The following MYO5B variants were observed in gnomAD, a reference collection of about 807,000 sequenced individuals.
The protein encoded by MYO5B is myosin VB, also known as unconventional myosin-Vb.
In MYO5B, 143 loss-of-function variants were observed where a neutral mutation model predicts 229.3. The ratio of observed to expected loss-of-function variants is 0.62; its 90% CI spans 0.54 to 0.72. The LOEUF is 0.72. Ranked by LOEUF, MYO5B falls within the 30% of genes least tolerant of loss-of-function variation. MYO5B has a pLI of 0.00. For missense variants in MYO5B, 2,321 were observed against 2,331.0 expected (o/e 1.00, Z 0.09); for synonymous variants, 918 against 885.2 (o/e 1.04, Z -0.66).
chr18:49,894,096 G>A (rs1409033561), intron 22 of MYO5B, among the ~76,000 whole-genome samples: 2 of 152,136 alleles, frequency 1.3e-5, no homozygotes, highest in African/African-American at 2.4e-5. Context: ...GGACTCCAAG[G>A]TCTACCGCAG....
At chr18:49,958,187 T>C (rs2025517389) in intron 12 of MYO5B, among the ~76,000 whole-genome samples, 1 of 152,196 alleles carries the variant, frequency 6.6e-6, no homozygotes, top group Non-Finnish European at 1.5e-5. Context: ...TATACTTTTA[T>C]ACAAGTACTG....
intron 6 of MYO5B, among the ~76,000 whole-genome samples, chr18:49,991,325 T>A (rs950184338): frequency 1.3e-5 from 2 of 151,834 alleles, no homozygotes; most frequent in African/African-American, 4.8e-5. Flanking sequence ...AATTCTGAGG[T>A]CTCCTTAAAG....
intron 5 of MYO5B, among the ~76,000 whole-genome samples, chr18:50,000,607 T>C (rs1314702383): frequency 6.6e-6 from 1 of 152,222 alleles, no homozygotes; most frequent in Non-Finnish European, 1.5e-5. Context: ...AGATCTAGTT[T>C]TTAGCAAACT....
intron 1 of MYO5B, among the ~76,000 whole-genome samples, chr18:50,074,744 G>A (rs1450152095): frequency 2.6e-5 from 4 of 152,110 alleles, no homozygotes; most frequent in African/African-American, 7.2e-5. Flanking sequence ...TATCTGAAAC[G>A]ATCAGGTTCA....
chr18:49,917,138 C>T (rs745631990), intron 17 of MYO5B, among the ~76,000 whole-genome samples: 9 of 152,168 alleles, frequency 5.9e-5, no homozygotes, highest in Non-Finnish European at 1.2e-4. Flanking sequence ...CATTCCACCT[C>T]GTGTTGTGGA....
intron 1 of MYO5B, among the ~76,000 whole-genome samples, chr18:50,159,689 C>T (rs568235323): frequency 1.1e-4 from 17 of 152,300 alleles, no homozygotes; most frequent in Middle Eastern, 3.4e-3. Flanking sequence ...TTTGCCATCC[C>T]GCACCTCCAG....
chr18:50,028,108 T>C (rs989320723), intron 4 of MYO5B, among the ~76,000 whole-genome samples: 2 of 152,190 alleles, frequency 1.3e-5, no homozygotes, highest in African/African-American at 4.8e-5. Context: ...GTTTCAGGGA[T>C]GTATACTATA....
intron 14 of MYO5B, among the ~76,000 whole-genome samples, chr18:49,940,611 T>C (rs745434618): frequency 5.9e-5 from 9 of 152,144 alleles, no homozygotes; most frequent in Non-Finnish European, 1.2e-4. Context: ...TGCAGACACT[T>C]TGCTCAGTGA....
At chr18:49,974,201 A>T in intron 10 of MYO5B, 149 bp downstream of exon 10, 1 of 1,151,634 alleles carries the variant, frequency 8.7e-7, no homozygotes, top group Non-Finnish European at 1.3e-6. Flanking sequence ...TCATTGTGTC[A>T]ACTAATCAAC....
intron 1 of MYO5B, among the ~76,000 whole-genome samples, chr18:50,104,167 T>TAAAAAAAAAGA (rs144294604): frequency 7.6e-6 from 1 of 131,488 alleles, no homozygotes; most frequent in Non-Finnish European, 1.6e-5. Flanking sequence ...ACTTGTCTAT[T>TAAAAAAAAAGA]AAAAAGAAAA....
rs368844372 is a variant in MYO5B, at chr18:50,001,425, A to G, written c.456-14T>C. 1.1e-5 allele frequency: 17 copies of G among 1,613,836 alleles called. No homozygotes were observed. The highest frequency in any genetic ancestry group is 1.4e-5 in the Non-Finnish European group (16 of 1,179,908). ...TTCTTCTCATCTCTGGAAGGAAAAA[A>G]GCTCTGATAAGTCATTGGCCATGGA... On this transcript the variant is annotated splice_polypyrimidine_tract_variant and intron_variant, in intron 4 of 39. Transcript: ENST00000285039.
At chr18:50,133,197 A>G (rs1025676959) in intron 1 of MYO5B, among the ~76,000 whole-genome samples, 1 of 152,210 alleles carries the variant, frequency 6.6e-6, no homozygotes, top group Admixed American at 6.5e-5. Context: ...AACACAGACT[A>G]CATATCCCAG....
chr18:49,836,771 C>A lies in MYO5B; in HGVS notation c.5253G>T (p.Lys1751Asn), dbSNP rs768384576. Residue 1751 changes from lysine to asparagine, a missense_variant, in exon 38 of 40, where the codon AAG becomes AAT. Lys to Asn is a moderately conservative substitution (Grantham distance 94). This residue lies in a region of MYO5B where 208 missense variants were observed against 286.3 expected (regional missense o/e 0.73). Coordinates refer to ENST00000285039, the MANE Select transcript of MYO5B (RefSeq NM_001080467.3). ...IQAAQLLQLK[K>N]KTQEDAEAIC... Reference sequence around the variant, plus strand: ...TAGCCTCTGCGTCCTCCTGGGTTTTCTTCTTTAATTGCAGGAGCTGGGCTG... The same window carrying A: ...TAGCCTCTGCGTCCTCCTGGGTTTTATTCTTTAATTGCAGGAGCTGGGCTG... 5.6e-6 allele frequency: 9 copies of A among 1,614,170 alleles called. No individual in the cohort carries two copies. Among genetic ancestry groups the A allele is most frequent in the Non-Finnish European group, 7.6e-6 (9 of 1,180,014 alleles).
intron 1 of MYO5B, among the ~76,000 whole-genome samples, chr18:50,116,571 G>C (rs1237182256): frequency 6.6e-6 from 1 of 152,044 alleles, no homozygotes; most frequent in African/African-American, 2.4e-5. Context: ...GTTCTCCAAT[G>C]TGCCAAGTTC....
chr18:49,976,523 C>T (rs2025751993), intron 9 of MYO5B, among the ~76,000 whole-genome samples: 1 of 152,258 alleles, frequency 6.6e-6, no homozygotes, highest in African/African-American at 2.4e-5. Context: ...CCATGTAGCA[C>T]CAAGAGATAG....
At chr18:49,845,404 G>C (rs770518596) in intron 33 of MYO5B, among the ~76,000 whole-genome samples, 1 of 152,090 alleles carries the variant, frequency 6.6e-6, no homozygotes, top group Non-Finnish European at 1.5e-5. Context: ...TGGGTCCCTC[G>C]GCCCTAGGCA....
intron 33 of MYO5B, among the ~76,000 whole-genome samples, chr18:49,845,648 GGA>G (rs1322915361): frequency 6.6e-6 from 1 of 152,152 alleles, no homozygotes; most frequent in Non-Finnish European, 1.5e-5. Flanking sequence ...CATAAAGAAG[GGA>G]GCTGCTGGCT....
At chr18:49,904,550 G>A in intron 20 of MYO5B, 122 bp downstream of exon 20, 1 of 1,184,076 alleles carries the variant, frequency 8.4e-7, no homozygotes, top group Admixed American at 1.8e-5. Flanking sequence ...TGAGAGCAGA[G>A]ATGTGAAAGC....
chr18:49,962,817 C>T (rs1008433895), intron 11 of MYO5B, 132 bp downstream of exon 11: 13 of 824,030 alleles, frequency 1.6e-5, no homozygotes, highest in Non-Finnish European at 2.6e-5. Flanking sequence ...CTGGAGGTAC[C>T]ACCAGGAAAA....
Sources: gnomAD v4.1 joint callset for allele counts (sites outside exome capture counted in the v4.1 genomes callset) on GRCh38, gnomAD v4.1.1 for gene constraint, gnomAD v4.1.1 regional missense constraint, MANE v1.5 for transcripts, NCBI Gene and HGNC (gene_info 2026-07-23, HGNC 2026-07-21) for gene names.